The following CFAP69 variants were observed in gnomAD, a reference collection of about 807,000 sequenced individuals.
CFAP69 encodes the protein cilia and flagella associated protein 69.
In CFAP69, 92 loss-of-function variants were observed where a neutral mutation model predicts 123.0. The observed-to-expected ratio is 0.75, with a 90% CI of 0.63 to 0.89. The LOEUF (loss-of-function observed/expected upper bound fraction) is 0.89. Among genes scored for constraint, CFAP69 ranks in the 40% least tolerant of loss-of-function variants. The pLI, the probability that CFAP69 is intolerant of heterozygous loss-of-function variation, is 0.00. For missense variants in CFAP69, 1,067 were observed against 1,096.9 expected (o/e 0.97, Z 0.39); for synonymous variants, 380 against 364.3 (o/e 1.04, Z -0.49).
rs17868904 is a variant in CFAP69, at chr7:90,275,590, C to T, written c.984+1480C>T. On this transcript the variant is annotated intron_variant, in intron 9 of 22. Transcript: ENST00000389297. ...TACGGCCTGCTCTCAGGCCAAAAGCCTTTTTTTTTTTTTTTTTTTTTTTTT... is the reference window on the plus strand; with the variant it reads ...TACGGCCTGCTCTCAGGCCAAAAGCTTTTTTTTTTTTTTTTTTTTTTTTTT... Among the ~76,000 whole-genome samples the T allele has an allele frequency of 5.5e-4, 34 of 62,062 alleles. 1 individual carries two copies. The highest frequency in any genetic ancestry group is 1.3e-3 in the African/African-American group (19 of 15,048). The allele number at this position is 62,062 out of a possible 152,430, so 40.7% of individuals were successfully genotyped here.
intron 12 of CFAP69, among the ~76,000 whole-genome samples, chr7:90,280,168 G>A (rs1384774339): frequency 6.6e-6 from 1 of 151,834 alleles, no homozygotes; most frequent in African/African-American, 2.4e-5. Context: ...ATTATATTTG[G>A]GAAGAAAATA....
chr7:90,314,626 GA>G (rs933893928), downstream of CFAP69, among the ~76,000 whole-genome samples: 2 of 143,922 alleles, frequency 1.4e-5, no homozygotes, highest in African/African-American at 2.6e-5. Context: ...AAAAGAAAAA[GA>G]AAAAAAAATG....
chr7:90,298,520 A>G (rs1792326642), intron 16 of CFAP69, among the ~76,000 whole-genome samples: 1 of 152,232 alleles, frequency 6.6e-6, no homozygotes, highest in Admixed American at 6.5e-5. Flanking sequence ...TATGATTGCC[A>G]CTATTCTTGA....
intron 18 of CFAP69, 26 bp downstream of exon 18, chr7:90,304,132 AGAGTCT>A (rs1562924749): frequency 6.5e-7 from 1 of 1,541,386 alleles, no homozygotes; most frequent in Admixed American, 2.0e-5. Context: ...CAAATTTGCA[AGAGTCT>A]GTTTTGCTAA....
At chr7:90,287,248 G>A (rs1372909656) in intron 14 of CFAP69, among the ~76,000 whole-genome samples, 11 of 151,968 alleles carry the variant, frequency 7.2e-5, no homozygotes. Flanking sequence ...TTTATTTACA[G>A]CTATAATGAA....
At chr7:90,273,107 A>G (rs1489411733) in intron 8 of CFAP69, among the ~76,000 whole-genome samples, 2 of 152,222 alleles carry the variant, frequency 1.3e-5, no homozygotes, top group East Asian at 3.8e-4. Flanking sequence ...TTGGAGAATT[A>G]ATAACTGCTT....
At chr7:90,262,150 A>G (rs1798421918) in intron 4 of CFAP69, 94 bp downstream of exon 4, 3 of 738,740 alleles carry the variant, frequency 4.1e-6, no homozygotes, top group Middle Eastern at 2.8e-4. Flanking sequence ...ATAGTGTAGC[A>G]GATTGCTACA....
the CFAP69 span, chr7:90,319,502 G>A: frequency 0.18 from 72,372 of 398,418 alleles, 7,348 homozygotes; most frequent in Non-Finnish European, 0.21. Flanking sequence ...TGTCCAGGCC[G>A]CTGAGATTTT....
At chr7:90,264,835 C>T (rs1023906718) in intron 4 of CFAP69, among the ~76,000 whole-genome samples, 9 of 151,916 alleles carry the variant, frequency 5.9e-5, no homozygotes, top group Non-Finnish European at 1.0e-4. Flanking sequence ...CACTCTGTCG[C>T]CAGGCTGGAG....
intron 15 of CFAP69, among the ~76,000 whole-genome samples, chr7:90,295,976 C>G (rs2040511): frequency 0.9 from 136,734 of 152,222 alleles, 61,697 homozygotes; most frequent in East Asian, 1. Context: ...GTTTTAGCCG[C>G]CTTCTTTACT....
At chr7:90,286,525 A>C in intron 14 of CFAP69, 126 bp downstream of exon 14, 6 of 934,648 alleles carry the variant, frequency 6.4e-6, no homozygotes, top group African/African-American at 1.7e-5. Context: ...TAATTAGAGC[A>C]TAATTATATA....
At chr7:90,252,850 T>C (rs933354345) in intron 1 of CFAP69, among the ~76,000 whole-genome samples, 6 of 152,124 alleles carry the variant, frequency 3.9e-5, no homozygotes, top group Admixed American at 2.0e-4. Flanking sequence ...ATATATGAAT[T>C]TGTAATTTTT....
intron 15 of CFAP69, among the ~76,000 whole-genome samples, chr7:90,297,135 C>G (rs891218707): frequency 6.6e-6 from 1 of 152,160 alleles, no homozygotes; most frequent in African/African-American, 2.4e-5. Context: ...AGCCTACTGT[C>G]ATGTGATGCT....
At chr7:90,258,303 A>C in intron 3 of CFAP69, 140 bp downstream of exon 3, 1 of 651,636 alleles carries the variant, frequency 1.5e-6, no homozygotes, top group African/African-American at 1.9e-5. Flanking sequence ...AGTTATTATC[A>C]TACAGTTTTG....
the CFAP69 span, among the ~76,000 whole-genome samples, chr7:90,322,024 G>C: frequency 6.6e-6 from 1 of 151,410 alleles, no homozygotes; most frequent in Non-Finnish European, 1.5e-5. Context: ...ACAGGTTCTT[G>C]AGCTGGGATG....
chr7:90,261,929 T>G lies in CFAP69; in HGVS notation c.247-18T>G. 7.8e-7 allele frequency: 1 copy of G among 1,279,348 alleles called. No homozygotes were observed. The highest frequency in any genetic ancestry group is 1.1e-6 in the Non-Finnish European group (1 of 913,206). 79.2% of individuals were successfully genotyped at this position (1,279,348 alleles called of 1,614,324 possible). The stretch of plus-strand genomic sequence containing the variant: ...AGATATTAATCTGAATTTTATTTCT[T>G]AACTAAAAATATTAAAGCCATTAAG... On this transcript the variant is annotated intron_variant, in intron 3 of 22. Transcript: ENST00000389297.
chr7:90,296,460 T>G (rs1020544277), intron 15 of CFAP69, among the ~76,000 whole-genome samples: 3 of 152,078 alleles, frequency 2.0e-5, no homozygotes, highest in Non-Finnish European at 4.4e-5. Flanking sequence ...CCTGAATAAC[T>G]GGGATTACAG....
intron 19 of CFAP69, among the ~76,000 whole-genome samples, chr7:90,306,113 T>C (rs1218137289): frequency 9.2e-5 from 4 of 43,658 alleles, no homozygotes; most frequent in Non-Finnish European, 1.4e-4. Flanking sequence ...CAGCTTTTTA[T>C]TGGGGGGGGG....
chr7:90,309,296 G>T lies in CFAP69; in HGVS notation c.2584G>T (p.Ala862Ser). 1 of 1,576,250 alleles carries T rather than the reference G, an allele frequency of 6.3e-7. No homozygotes were observed. The change falls in exon 22 of 23, where the codon GCC (alanine) becomes TCC (serine). Residue 862 changes from alanine to serine, a missense_variant. Physicochemically the swap from Ala to Ser is moderately conservative, Grantham distance 99. Transcript: ENST00000389297. Reference protein sequence around the residue: ...AKSLQEKAIEASRYHKRPQNA... With the variant: ...AKSLQEKAIESSRYHKRPQNA... Reference sequence around the variant, plus strand: ...AAGCCTTCAAGAAAAAGCTATAGAAGCCTCCAGATACCATAAACGACCACA... The same window carrying T: ...AAGCCTTCAAGAAAAAGCTATAGAATCCTCCAGATACCATAAACGACCACA...
Sources: gnomAD v4.1 joint callset for allele counts (sites outside exome capture counted in the v4.1 genomes callset) on GRCh38, gnomAD v4.1.1 for gene constraint, MANE v1.5 for transcripts, NCBI Gene and HGNC (gene_info 2026-07-23, HGNC 2026-07-21) for gene names.